LRMDA: variants seen among roughly 807,000 people sequenced by gnomAD.
LRMDA encodes leucine rich melanocyte differentiation associated, also known as leucine-rich melanocyte differentiation-associated protein.
Under a neutral mutation model 29.8 loss-of-function variants are expected in LRMDA, and 18 were observed. The ratio of observed to expected loss-of-function variants is 0.60; its 90% CI spans 0.42 to 0.90. The LOEUF (loss-of-function observed/expected upper bound fraction) is 0.90. Among genes scored for constraint, LRMDA ranks in the 40% least tolerant of loss-of-function variants. LRMDA has a pLI of 0.00. For missense variants in LRMDA, 273 were observed against 273.9 expected, an observed-to-expected ratio of 1.00 and a Z score of 0.02; for synonymous variants, 125 against 109.4, an observed-to-expected ratio of 1.14 and a Z score of -0.89.
chr10:75,855,538 C>T (rs569977393), intron 2 of LRMDA, among the ~76,000 whole-genome samples: 1 of 152,058 alleles, frequency 6.6e-6, no homozygotes, highest in South Asian at 2.1e-4. Context: ...GATGGTAGTT[C>T]CTTTTGCTGC....
chr10:76,105,291 T>C (rs930299011), intron 5 of LRMDA, among the ~76,000 whole-genome samples: 4 of 152,122 alleles, frequency 2.6e-5, no homozygotes, highest in South Asian at 2.1e-4. Context: ...ACCGTTTTTT[T>C]CCATGGGTAT....
At chr10:76,356,045 T>C (rs1286245716) in intron 6 of LRMDA, among the ~76,000 whole-genome samples, 4 of 152,218 alleles carry the variant, frequency 2.6e-5, no homozygotes, top group African/African-American at 7.2e-5. Context: ...CACCCAGATA[T>C]ATTGGATAAC....
At chr10:76,143,982 G>C (rs1368416624) in intron 5 of LRMDA, among the ~76,000 whole-genome samples, 1 of 152,142 alleles carries the variant, frequency 6.6e-6, no homozygotes, top group Non-Finnish European at 1.5e-5. Context: ...TGTCAGGTTT[G>C]TTAAAGATCA....
At chr10:75,699,372 C>T (rs1261090190) in intron 2 of LRMDA, among the ~76,000 whole-genome samples, 51 of 152,172 alleles carry the variant, frequency 3.4e-4, no homozygotes, top group Non-Finnish European at 5.9e-5. Context: ...GAAAGGTTTT[C>T]ATCATCATGT....
intron 5 of LRMDA, among the ~76,000 whole-genome samples, chr10:76,059,816 G>T (rs2132056116): frequency 6.6e-6 from 1 of 152,306 alleles, no homozygotes; most frequent in Non-Finnish European, 1.5e-5. Context: ...CTGAATCCAT[G>T]AGGTGCAACT....
intron 5 of LRMDA, among the ~76,000 whole-genome samples, chr10:76,291,904 C>A (rs559901455): frequency 1.7e-4 from 23 of 138,450 alleles, no homozygotes; most frequent in African/African-American, 6.5e-4. Context: ...ATATATACAC[C>A]CACACGTGCA....
intron 2 of LRMDA, among the ~76,000 whole-genome samples, chr10:75,881,385 G>A (rs1266868569): frequency 2.6e-5 from 4 of 152,112 alleles, no homozygotes; most frequent in Admixed American, 6.5e-5. Context: ...GGAACCTAAC[G>A]CCGATTCACG....
At chr10:76,047,694 T>C (rs924311694) in intron 4 of LRMDA, among the ~76,000 whole-genome samples, 5 of 152,182 alleles carry the variant, frequency 3.3e-5, no homozygotes, top group Admixed American at 2.6e-4. Flanking sequence ...GCAGGCCAGA[T>C]TTCACCCATG....
intron 2 of LRMDA, among the ~76,000 whole-genome samples, chr10:75,663,962 A>T (rs1841788449): frequency 6.6e-6 from 1 of 152,180 alleles, no homozygotes; most frequent in African/African-American, 2.4e-5. Context: ...TGTGTCTTTA[A>T]GAGGAGAGTA....
intron 6 of LRMDA, among the ~76,000 whole-genome samples, chr10:76,483,261 A>G (rs1842749622): frequency 6.6e-6 from 1 of 151,898 alleles, no homozygotes; most frequent in African/African-American, 2.4e-5. Context: ...TTAATTATCT[A>G]TTTAAGAAAT....
At chr10:76,226,809 T>A (rs974748578) in intron 5 of LRMDA, among the ~76,000 whole-genome samples, 1 of 152,110 alleles carries the variant, frequency 6.6e-6, no homozygotes, top group Non-Finnish European at 1.5e-5. Context: ...CCTCACCAGA[T>A]TCAGATGTTG....
At chr10:76,277,147 G>T (rs1181539697) in intron 5 of LRMDA, among the ~76,000 whole-genome samples, 1 of 152,094 alleles carries the variant, frequency 6.6e-6, no homozygotes, top group African/African-American at 2.4e-5. Context: ...CAGCTCTTCA[G>T]CCCAGAAATT....
intron 1 of LRMDA, among the ~76,000 whole-genome samples, chr10:75,434,292 T>G (rs916086719): frequency 2.0e-5 from 3 of 152,220 alleles, no homozygotes; most frequent in African/African-American, 7.2e-5. Flanking sequence ...TTGTGCACTT[T>G]TAATATGTTA....
rs79213947 is a variant in LRMDA, at chr10:76,181,111, C to A, written c.516+122328C>A. 3.1e-3 allele frequency among the ~76,000 whole-genome samples: 477 copies of A among 152,284 alleles called. 2 individuals carry two copies. Among genetic ancestry groups the A allele is most frequent in the African/African-American group, 8.3e-3 (343 of 41,554 alleles). On this transcript the variant is annotated intron_variant, in intron 5 of 6. Transcript: ENST00000611255. ...TTCTAGGATGGACCTGGATCCCCAG[C>A]CCATTGGAATAGGCTGTTCCCAAGT... is the stretch of plus-strand genomic sequence containing the variant.
intron 6 of LRMDA, among the ~76,000 whole-genome samples, chr10:76,448,330 A>G (rs1196215387): frequency 6.6e-6 from 1 of 152,144 alleles, no homozygotes; most frequent in East Asian, 1.9e-4. Flanking sequence ...CAACATATGG[A>G]GGTACTATAA....
intron 2 of LRMDA, among the ~76,000 whole-genome samples, chr10:76,030,314 C>G (rs1589295210): frequency 6.6e-6 from 1 of 151,622 alleles, no homozygotes; most frequent in Non-Finnish European, 1.5e-5. Context: ...ATACACACAG[C>G]CAACTCTACA....
intron 2 of LRMDA, among the ~76,000 whole-genome samples, chr10:75,769,134 C>T (rs1469610834): frequency 6.6e-6 from 1 of 152,198 alleles, no homozygotes; most frequent in Non-Finnish European, 1.5e-5. Flanking sequence ...TTCATGCTGT[C>T]AGATTGGAGA....
At chr10:76,200,796 C>T (rs1851412736) in intron 5 of LRMDA, among the ~76,000 whole-genome samples, 1 of 149,842 alleles carries the variant, frequency 6.7e-6, no homozygotes, top group South Asian at 2.1e-4. Context: ...CGGCTCACTG[C>T]AGCGCCTGCC....
intron 2 of LRMDA, among the ~76,000 whole-genome samples, chr10:75,446,672 T>C (rs931957078): frequency 2.0e-5 from 3 of 152,258 alleles, no homozygotes; most frequent in Admixed American, 2.0e-4. Flanking sequence ...TATAAGATTT[T>C]GGAGTTACTT....
Sources: gnomAD v4.1 joint callset for allele counts (sites outside exome capture counted in the v4.1 genomes callset) on GRCh38, gnomAD v4.1.1 for gene constraint, MANE v1.5 for transcripts, NCBI Gene and HGNC (gene_info 2026-07-23, HGNC 2026-07-21) for gene names.